The following GFOD1 variants were observed in gnomAD, a reference collection of about 807,000 sequenced individuals.
GFOD1 encodes Gfo/Idh/MocA-like oxidoreductase domain containing 1, also known as glucose-fructose oxidoreductase domain-containing protein 1.
Under a neutral mutation model 25.4 loss-of-function variants are expected in GFOD1, and 9 were observed. The ratio of observed to expected loss-of-function variants is 0.35; its 90% CI spans 0.21 to 0.62. The LOEUF (loss-of-function observed/expected upper bound fraction) is 0.62, where lower values mean the gene tolerates loss of function less well. GFOD1 is among the 20% of genes least tolerant of loss of function. The pLI, the probability that GFOD1 is intolerant of heterozygous loss-of-function variation, is 0.72. For synonymous variants in GFOD1, 253 were observed against 245.6 expected (o/e 1.03, Z -0.28); for missense variants, 403 against 556.9 (o/e 0.72, Z 2.78).
intron 1 of GFOD1, among the ~76,000 whole-genome samples, chr6:13,453,146 T>C (rs377054300): frequency 1.3e-5 from 2 of 152,234 alleles, no homozygotes; most frequent in African/African-American, 2.4e-5. Context: ...GTTCATTTCG[T>C]TTTGTTTTTC....
At chr6:13,472,988 T>A (rs964729623) in intron 1 of GFOD1, among the ~76,000 whole-genome samples, 1 of 152,272 alleles carries the variant, frequency 6.6e-6, no homozygotes. Context: ...ATCATTTCCA[T>A]GAGCTCTCAC....
In GFOD1 at chr6:13,381,566, A is replaced by C. The variant is rs80222238; in HGVS notation, c.254-15904T>G. Among the ~76,000 whole-genome samples, 436 of 152,350 alleles carry C rather than the reference A, an allele frequency of 2.9e-3. 5 individuals carry two copies. The East Asian group carries it at 0.043, about 15-fold the overall frequency. On this transcript the variant is annotated intron_variant, in intron 1 of 1. Transcript: ENST00000379287. ...CCAGGAAAGGGTTCTGCATGGACAC[A>C]GTGCTGGAACAAGTCTGGCCTGGGG...
At chr6:13,433,184 A>G (rs568980077) in intron 1 of GFOD1, among the ~76,000 whole-genome samples, 1 of 151,298 alleles carries the variant, frequency 6.6e-6, no homozygotes, top group Admixed American at 6.6e-5. Context: ...CAATGGCACA[A>G]TCTCAGCTCA....
intron 1 of GFOD1, among the ~76,000 whole-genome samples, chr6:13,421,488 T>C (rs1253691675): frequency 6.6e-6 from 1 of 152,014 alleles, no homozygotes; most frequent in Non-Finnish European, 1.5e-5. Flanking sequence ...AGTGAGACCC[T>C]GTCTCAAAAA....
intron 1 of GFOD1, among the ~76,000 whole-genome samples, chr6:13,391,331 C>G (rs9367461): frequency 6.6e-6 from 1 of 151,988 alleles, no homozygotes; most frequent in South Asian, 2.1e-4. Flanking sequence ...AACCCCGTCT[C>G]TATTAAAAAT....
chr6:13,420,314 C>T (rs936526395), intron 1 of GFOD1, among the ~76,000 whole-genome samples: 2 of 152,294 alleles, frequency 1.3e-5, no homozygotes, highest in Middle Eastern at 6.8e-3. Flanking sequence ...ACATGGAGGC[C>T]TGGCAGGGGT....
In GFOD1 at chr6:13,361,184, G is replaced by C. The variant is rs1784941009; in HGVS notation, c.*3559C>G. ...GTATTTGCTGCCATGTAGGCTAAGGGGGGTCTGGGGTGCCCTACAATGCAA... is the reference window on the plus strand; with the variant it reads ...GTATTTGCTGCCATGTAGGCTAAGGCGGGTCTGGGGTGCCCTACAATGCAA... On this transcript the variant is annotated 3_prime_UTR_variant, in exon 2 of 2. Coordinates refer to ENST00000379287, the MANE Select transcript of GFOD1 (RefSeq NM_018988.4). The C allele has an allele frequency of 3.5e-6, 1 of 283,544 alleles. No individual in the cohort carries two copies. The highest frequency in any genetic ancestry group is 7.0e-6 in the Non-Finnish European group (1 of 143,396). 17.6% of individuals were successfully genotyped at this position (283,544 alleles called of 1,614,324 possible).
intron 1 of GFOD1, among the ~76,000 whole-genome samples, chr6:13,448,767 C>T (rs1353209135): frequency 6.6e-6 from 1 of 152,164 alleles, no homozygotes; most frequent in Non-Finnish European, 1.5e-5. Flanking sequence ...TCCAAAACAG[C>T]CTCTGAGGGT....
chr6:13,368,482 AG>A (rs1428892131), intron 1 of GFOD1, among the ~76,000 whole-genome samples: 19 of 152,338 alleles, frequency 1.2e-4, no homozygotes, highest in Non-Finnish European at 2.8e-4. Flanking sequence ...ATCTAACACC[AG>A]CTCATGCTAC....
intron 1 of GFOD1, among the ~76,000 whole-genome samples, chr6:13,402,767 G>A (rs1240604674): frequency 6.6e-6 from 1 of 152,140 alleles, no homozygotes; most frequent in Non-Finnish European, 1.5e-5. Flanking sequence ...AAAGCATCCT[G>A]GCAACTCCTC....
At chr6:13,453,160 T>A (rs1176223431) in intron 1 of GFOD1, among the ~76,000 whole-genome samples, 2 of 152,238 alleles carry the variant, frequency 1.3e-5, no homozygotes, top group African/African-American at 4.8e-5. Context: ...GTTTTTCAAA[T>A]TCAGAATTGA....
At chr6:13,410,113 C>T (rs1786048020) in intron 1 of GFOD1, among the ~76,000 whole-genome samples, 1 of 148,770 alleles carries the variant, frequency 6.7e-6, no homozygotes, top group Non-Finnish European at 1.5e-5. Context: ...CCAGATGATG[C>T]ACAAATGTTT....
At chr6:13,420,764 G>T (rs569495720) in intron 1 of GFOD1, among the ~76,000 whole-genome samples, 2 of 152,142 alleles carry the variant, frequency 1.3e-5, no homozygotes, top group Non-Finnish European at 2.9e-5. Flanking sequence ...GATTTTTTCC[G>T]GGTCTTTGAG....
rs1044478885 is a variant in GFOD1 at position 13,465,999 on chromosome 6, A to G, written c.253+20639T>C. Among the ~76,000 whole-genome samples the G allele has an allele frequency of 2.6e-5, 4 of 152,198 alleles. No homozygotes were observed. The East Asian group carries it at 7.7e-4, about 29-fold the overall frequency. On this transcript the variant is annotated intron_variant, in intron 1 of 1. Transcript: ENST00000379287. ...GACTCAGCCTAGGTTGGATCTTAGG[A>G]ACACTTCTCATTTAAAATGACTGTC...
At chr6:13,374,273 T>TGTGTGTGTGTGTGTG (rs1554199407) in intron 1 of GFOD1, among the ~76,000 whole-genome samples, 3 of 134,416 alleles carry the variant, frequency 2.2e-5, no homozygotes, top group Admixed American at 7.6e-5. Context: ...TGTTTTTTTT[T>TGTGTGTGTGTGTGTG]TGTGTGTGTG....
Position 13,400,937 on chromosome 6 carries a change from G to T in GFOD1, c.254-35275C>A, listed in dbSNP as rs181658951. On this transcript the variant is annotated intron_variant, in intron 1 of 1. Transcript: ENST00000379287. ...TAGTCATTGACTCTCAAGTACAGGG[G>T]GTGGGGACAGGAAACAATGATGTTC... Among the ~76,000 whole-genome samples, 551 of 152,280 alleles carry T rather than the reference G, an allele frequency of 3.6e-3. 4 individuals are homozygous for T. The highest frequency in any genetic ancestry group is 0.013 in the African/African-American group (529 of 41,560).
chr6:13,475,447 C>T (rs537739005), intron 1 of GFOD1, among the ~76,000 whole-genome samples: 16 of 151,424 alleles, frequency 1.1e-4, no homozygotes, highest in Non-Finnish European at 1.6e-4. Flanking sequence ...CGGTGGCTCA[C>T]GCCTGTAATC....
chr6:13,394,338 G>T (rs1176303203), intron 1 of GFOD1, among the ~76,000 whole-genome samples: 1 of 152,032 alleles, frequency 6.6e-6, no homozygotes, highest in Non-Finnish European at 1.5e-5. Flanking sequence ...ATATTTGCTT[G>T]AATTTATGTA....
chr6:13,420,778 A>G (rs1320920506), intron 1 of GFOD1, among the ~76,000 whole-genome samples: 1 of 152,238 alleles, frequency 6.6e-6, no homozygotes, highest in Admixed American at 6.5e-5. Flanking sequence ...CTTTGAGAGG[A>G]CATACGCCTA....
Sources: gnomAD v4.1 joint callset for allele counts (sites outside exome capture counted in the v4.1 genomes callset) on GRCh38, gnomAD v4.1.1 for gene constraint, MANE v1.5 for transcripts, NCBI Gene and HGNC (gene_info 2026-07-23, HGNC 2026-07-21) for gene names.